The following NRBP1 variants were observed in gnomAD, a reference collection of about 807,000 sequenced individuals.
The protein encoded by NRBP1 is nuclear receptor binding protein 1.
NRBP1 carries 10 observed loss-of-function variants against 76.0 expected under a neutral mutation model. The ratio of observed to expected loss-of-function variants is 0.13; its 90% CI spans 0.08 to 0.22. The LOEUF (loss-of-function observed/expected upper bound fraction) is 0.22, where lower values mean the gene tolerates loss of function less well. Ranked by LOEUF, NRBP1 falls within the 10% of genes least tolerant of loss-of-function variation. The pLI, the probability that NRBP1 is intolerant of heterozygous loss-of-function variation, is 1.00. For missense variants in NRBP1, 344 were observed against 646.0 expected (o/e 0.53, Z 5.07); for synonymous variants, 235 against 240.2 (o/e 0.98, Z 0.20).
At position 27,434,879 on chromosome 2, in the gene NRBP1, T is replaced by C; in HGVS notation, c.566+117T>C. ...CTCTCCCCACTTTCTTTGAATCATA[T>C]ACTGTCAAGATTAGGGCCCCTACGG... is the stretch of plus-strand genomic sequence containing the variant. On this transcript the variant is annotated intron_variant, in intron 6 of 17. Coordinates refer to ENST00000379852, the MANE Select transcript of NRBP1 (RefSeq NM_013392.4). 2.7e-6 allele frequency: 3 copies of C among 1,113,520 alleles called. No homozygotes were observed. In the South Asian group the frequency reaches 3.8e-5, roughly 14 times the overall value. The allele number at this position is 1,113,520 out of a possible 1,614,324, so 69.0% of individuals were successfully genotyped here. A position where few individuals can be genotyped will look rare whatever the true frequency, so the allele number is the denominator to read the frequency against.
In NRBP1 at chr2:27,440,708, A is replaced by G. The variant is rs1664506471; in HGVS notation, c.1193+6A>G. On this transcript the variant is annotated splice_donor_region_variant and intron_variant, in intron 13 of 17. Transcript: ENST00000379852. ...AAATTCCTTGAAGATGTCAGGTGAGAGCAGAGTGAGAAGCAGGCTTTCTTG... is the reference window on the plus strand; with the variant it reads ...AAATTCCTTGAAGATGTCAGGTGAGGGCAGAGTGAGAAGCAGGCTTTCTTG... 1.2e-6 allele frequency: 2 copies of G among 1,613,966 alleles called. No individual in the cohort carries two copies. Among genetic ancestry groups the G allele is most frequent in the African/African-American group, 1.3e-5 (1 of 74,914 alleles).
intron 13 of NRBP1, 45 bp from the exon 14 acceptor site, chr2:27,440,760 A>G (rs1362836188): frequency 6.2e-7 from 1 of 1,614,114 alleles, no homozygotes; most frequent in African/African-American, 1.3e-5. Flanking sequence ...TGGGTATCCT[A>G]AGGCGTTCAC....
Position 27,433,588 on chromosome 2 carries a change from G to A in NRBP1, c.211-85G>A, listed in dbSNP as rs78639882. The A allele has an allele frequency of 3.6e-3, 5,697 of 1,602,706 alleles. 120 individuals carry two copies. The African/African-American group carries it at 0.039, about 11-fold the overall frequency. ...CCAACCAAACTTCAATAGGTTGGGG[G>A]CTAGGAGGAGATGATCATATGGAGT... On this transcript the variant is annotated intron_variant, in intron 2 of 17. Coordinates refer to ENST00000379852, the MANE Select transcript of NRBP1 (RefSeq NM_013392.4).
At chr2:27,429,798 A>C (rs1464581568) in intron 1 of NRBP1, among the ~76,000 whole-genome samples, 1 of 152,194 alleles carries the variant, frequency 6.6e-6, no homozygotes, top group Admixed American at 6.5e-5. Flanking sequence ...GTGGTGCCCT[A>C]CTGTGGATTA....
At position 27,437,063 on chromosome 2, in the gene NRBP1, A is replaced by G. The variant is rs370255474; in HGVS notation, c.762A>G (p.Thr254=). 4 of 1,613,784 alleles carry G rather than the reference A, an allele frequency of 2.5e-6. No individual in the cohort carries two copies. The highest frequency in any genetic ancestry group is 3.4e-6 in the Non-Finnish European group (4 of 1,179,886). The part of the protein sequence containing the change: ...APEYGEVTNV[T]TAVDIYSFGM... ...TTTCCCTAGAAGTCACTAATGTGAC[A>G]ACAGCAGTGGACATCTACTCCTTTG... The change falls in exon 9 of 18, where the codon ACA becomes ACG. Residue 254 remains threonine (T), a synonymous_variant. Transcript: ENST00000379852.
intron 12 of NRBP1, 69 bp from the exon 13 acceptor site, chr2:27,440,583 C>T: frequency 6.2e-7 from 1 of 1,606,126 alleles, no homozygotes. Context: ...TGTCCATTCT[C>T]TGGGAATGCT....
intron 7 of NRBP1, chr2:27,435,801 T>C (rs539160026): frequency 1.4e-6 from 1 of 717,434 alleles, no homozygotes; most frequent in Non-Finnish European, 2.6e-6. Context: ...TCTGCTCCCT[T>C]GGCGGCTGCC....
chr2:27,439,685 C>T, intron 10 of NRBP1, 81 bp from the exon 11 acceptor site: 1 of 1,547,140 alleles, frequency 6.5e-7, no homozygotes, highest in Non-Finnish European at 8.8e-7. Flanking sequence ...AAGCCTTGTG[C>T]TAAGTAGAAT....
At chr2:27,435,593 T>C (rs1342691112) in intron 7 of NRBP1, 35 of 706,400 alleles carry the variant, frequency 5.0e-5, no homozygotes, top group Non-Finnish European at 9.2e-5. Context: ...GTATGCAGTG[T>C]ACAACATTTC....
At chr2:27,440,618 T>C in intron 12 of NRBP1, 34 bp from the exon 13 acceptor site, 6 of 1,613,696 alleles carry the variant, frequency 3.7e-6, no homozygotes, top group Non-Finnish European at 5.1e-6. Context: ...TGCTTGTTTC[T>C]TTCCTTCCAT....
chr2:27,440,721 G>C lies in NRBP1; in HGVS notation c.1193+19G>C, dbSNP rs1260171054. The stretch of plus-strand genomic sequence containing the variant: ...ATGTCAGGTGAGAGCAGAGTGAGAA[G>C]CAGGCTTTCTTGAGGAAGCAGGCGG... On this transcript the variant is annotated intron_variant, in intron 13 of 17. Coordinates refer to ENST00000379852, the MANE Select transcript of NRBP1 (RefSeq NM_013392.4). 9 of 1,614,096 alleles carry C rather than the reference G, an allele frequency of 5.6e-6. No homozygotes were observed. The highest frequency in any genetic ancestry group is 3.3e-5 in the Admixed American group (2 of 60,014).
At chr2:27,428,816 G>C (rs1199210930) in intron 1 of NRBP1, 85 bp downstream of exon 1, 1 of 397,992 alleles carries the variant, frequency 2.5e-6, no homozygotes, top group Non-Finnish European at 4.4e-6. Context: ...GGGACGGTGG[G>C]ACCCGCCAGT....
intron 10 of NRBP1, among the ~76,000 whole-genome samples, chr2:27,437,576 AG>A (rs926388219): frequency 6.6e-6 from 1 of 152,186 alleles, no homozygotes; most frequent in African/African-American, 2.4e-5. Flanking sequence ...TGGGGTTAAA[AG>A]TTGTGTGTTG....
chr2:27,440,421 C>T lies in NRBP1; in HGVS notation c.1055C>T (p.Ala352Val). The change falls in exon 12 of 18, where the codon GCT (alanine) becomes GTT (valine). Residue 352 changes from alanine to valine, a missense_variant. Coordinates refer to ENST00000379852, the MANE Select transcript of NRBP1 (RefSeq NM_013392.4). ...VGHQHMIPEN[A>V]LEEITKNMDT... ...CCTCCAGACATGATCCCAGAGAACG[C>T]TCTAGAGGAGATCACCAAAAACATG... 1 of 1,612,944 alleles carries T rather than the reference C, an allele frequency of 6.2e-7. No homozygotes were observed. Among genetic ancestry groups the T allele is most frequent in the Non-Finnish European group, 8.5e-7 (1 of 1,178,956 alleles).
intron 10 of NRBP1, 45 bp downstream of exon 10, chr2:27,437,405 G>A (rs377586541): frequency 7.0e-7 from 1 of 1,436,634 alleles, no homozygotes; most frequent in African/African-American, 1.4e-5. Flanking sequence ...ACCTTCAAAT[G>A]TCTTCTGGTT....
Position 27,440,811 on chromosome 2 carries a change from G to C in NRBP1, c.1200G>C (p.Gly400=). The C allele has an allele frequency of 6.2e-7, 1 of 1,614,028 alleles. No individual in the cohort carries two copies. Among genetic ancestry groups the C allele is most frequent in the Non-Finnish European group, 8.5e-7 (1 of 1,180,038 alleles). The change falls in exon 14 of 18, where the codon GGG becomes GGC. Residue 400 remains glycine, a synonymous_variant. Transcript: ENST00000379852. ...TGTCTTCATCTCCCTCCAGGAATGG[G>C]ATCTATCCTCTGACAGCCTTTGGGC... ...LDKFLEDVRN[G]IYPLTAFGLP...
rs1054663377 is a variant in NRBP1 at position 27,441,633 on chromosome 2, T to C, written c.1503+11T>C. On this transcript the variant is annotated intron_variant, in intron 17 of 17. Coordinates refer to ENST00000379852, the MANE Select transcript of NRBP1 (RefSeq NM_013392.4). ...GGCTTCATTAGTGAGGTGAGGTTTC[T>C]GCCTTCATCTGCCCTGGCTGCCCCC... 3 of 1,614,098 alleles carry C rather than the reference T, an allele frequency of 1.9e-6. No individual in the cohort carries two copies. Among genetic ancestry groups the C allele is most frequent in the African/African-American group, 2.7e-5 (2 of 75,034 alleles).
At chr2:27,430,028 A>G (rs997030867) in intron 1 of NRBP1, among the ~76,000 whole-genome samples, 1 of 152,112 alleles carries the variant, frequency 6.6e-6, no homozygotes, top group African/African-American at 2.4e-5. Context: ...ATGATCTCTA[A>G]CAGAAGTTTT....
chr2:27,437,687 T>C lies in NRBP1; in HGVS notation c.903+327T>C, dbSNP rs1054615734. On this transcript the variant is annotated intron_variant, in intron 10 of 17. Coordinates refer to ENST00000379852, the MANE Select transcript of NRBP1 (RefSeq NM_013392.4). ...GGGATCGAGACCATCCTGGCTAACA[T>C]GGTGAAACCCTGTCTCTACTAAAAA... Among the ~76,000 whole-genome samples the C allele has an allele frequency of 7.3e-5, 11 of 151,072 alleles. No homozygotes were observed. In the East Asian group the frequency reaches 7.8e-4, roughly 11 times the overall value.
Sources: gnomAD v4.1 joint callset for allele counts (sites outside exome capture counted in the v4.1 genomes callset) on GRCh38, gnomAD v4.1.1 for gene constraint, MANE v1.5 for transcripts, NCBI Gene and HGNC (gene_info 2026-07-23, HGNC 2026-07-21) for gene names.